Variants in PCDHGA2 observed in about 807,000 individuals in gnomAD.
PCDHGA2 encodes protocadherin gamma-A2.
In PCDHGA2, 40 loss-of-function variants were observed where a neutral mutation model predicts 59.2. The ratio of observed to expected loss-of-function variants is 0.68; its 90% CI spans 0.52 to 0.88. PCDHGA2 has a LOEUF of 0.88. Among genes scored for constraint, PCDHGA2 ranks in the 40% least tolerant of loss-of-function variants. The pLI is 0.00. For missense variants in PCDHGA2, 1,226 were observed against 1,204.0 expected (o/e 1.02, Z -0.27); for synonymous variants, 560 against 526.0 (o/e 1.06, Z -0.89).
intron 1 of PCDHGA2, chr5:141,387,841 C>T: frequency 2.5e-6 from 4 of 1,597,678 alleles, no homozygotes; most frequent in Non-Finnish European, 3.4e-6. Flanking sequence ...TATTTGTAAC[C>T]CGGCGTCTCC....
In PCDHGA2 at chr5:141,491,856, C is replaced by A. The variant is rs754113958; in HGVS notation, c.2425-2951C>A. On this transcript the variant is annotated intron_variant, in intron 1 of 3. Coordinates refer to ENST00000394576, the MANE Select transcript of PCDHGA2 (RefSeq NM_018915.4). This position sits in a 1 kb window ranked among gnomAD's most constrained non-coding sequence, Gnocchi z 6.9. ...TCTCGGGATCATTGGACCGTTTGCG[C>A]GAAACCAGAGTGGCCGATTAAGGGA... 6.9e-7 allele frequency: 1 copy of A among 1,458,728 alleles called. No individual in the cohort carries two copies. The highest frequency in any genetic ancestry group is 9.1e-7 in the Non-Finnish European group (1 of 1,103,072). The allele number at this position is 1,458,728 out of a possible 1,614,324, so 90.4% of individuals were successfully genotyped here. A position where few individuals can be genotyped will look rare whatever the true frequency, so the allele number is the denominator to read the frequency against.
chr5:141,410,185 T>A lies in PCDHGA2; in HGVS notation c.2424+68790T>A, dbSNP rs373680185. 10 of 1,613,812 alleles carry A rather than the reference T, an allele frequency of 6.2e-6. No individual in the cohort carries two copies. The African/African-American group carries it at 1.3e-4, about 22-fold the overall frequency. On this transcript the variant is annotated intron_variant, in intron 1 of 3. Transcript: ENST00000394576. ...CACTCTCTGCCACCGCCACGCTTCA[T>A]CTGGTCTTCGCAGACAACTTGCAAG...
In PCDHGA2 at chr5:141,371,356, C is replaced by T. The variant is rs748519288; in HGVS notation, c.2424+29961C>T. 2.4e-5 allele frequency: 38 copies of T among 1,613,940 alleles called. No homozygotes were observed. The East Asian group carries it at 7.8e-4, about 33-fold the overall frequency. ...GATAGCTACACAATTGGGGTGGAAG[C>T]AAAGGATGGTGGACATCACACTGCA... is the stretch of plus-strand genomic sequence containing the variant. On this transcript the variant is annotated intron_variant, in intron 1 of 3. Transcript: ENST00000394576.
chr5:141,390,518 T>G (rs1045172175), intron 1 of PCDHGA2: 1 of 570,806 alleles, frequency 1.8e-6, no homozygotes, highest in Non-Finnish European at 3.0e-6. Flanking sequence ...TATAAAGCAA[T>G]GAGGGTGTGG....
At chr5:141,441,820 G>A in intron 1 of PCDHGA2, 1 of 359,390 alleles carries the variant, frequency 2.8e-6, no homozygotes, top group Non-Finnish European at 5.5e-6. Flanking sequence ...CCCAGCTCTG[G>A]AGCGCAATGG....
At position 141,447,650 on chromosome 5, in the gene PCDHGA2, T is replaced by C. The variant is rs555134653; in HGVS notation, c.2425-47157T>C. Reference sequence around the variant, plus strand: ...AACAGTATGAATGATGGTAGAATTTTCCCCCCCAGGAAGTTAGAACTGTTC... The same window carrying C: ...AACAGTATGAATGATGGTAGAATTTCCCCCCCCAGGAAGTTAGAACTGTTC... On this transcript the variant is annotated intron_variant, in intron 1 of 3. Transcript: ENST00000394576. Among the ~76,000 whole-genome samples, 24 of 152,106 alleles carry C rather than the reference T, an allele frequency of 1.6e-4. No homozygotes were observed. The South Asian group carries it at 2.3e-3, about 15-fold the overall frequency.
At chr5:141,412,139 T>C (rs1380576842) in intron 1 of PCDHGA2, 1 of 152,250 alleles carries the variant, frequency 6.6e-6, no homozygotes, top group Non-Finnish European at 1.5e-5. Flanking sequence ...TGGCCTCTGA[T>C]ACAAACTGCC....
chr5:141,341,065 C>T lies in PCDHGA2; in HGVS notation c.2094C>T (p.Ala698=), dbSNP rs758489018. 3 of 1,614,074 alleles carry T rather than the reference C, an allele frequency of 1.9e-6. No homozygotes were observed. In the African/African-American group the frequency reaches 4.0e-5, roughly 22 times the overall value. The change falls in exon 1 of 4, where the codon GCC becomes GCT. Residue 698 remains alanine, a synonymous_variant. Transcript: ENST00000394576. ...DLTLYLVVAV[A]AVSCVFLAFV... Reference sequence around the variant, plus strand: ...CTCTGTACCTGGTGGTGGCGGTGGCCGCGGTCTCCTGCGTCTTCCTGGCCT... The same window carrying T: ...CTCTGTACCTGGTGGTGGCGGTGGCTGCGGTCTCCTGCGTCTTCCTGGCCT...
chr5:141,506,447 A>G (rs1405495926), intron 3 of PCDHGA2, among the ~76,000 whole-genome samples: 3 of 146,906 alleles, frequency 2.0e-5, no homozygotes, highest in Non-Finnish European at 3.0e-5. Flanking sequence ...TCTGTCTCAA[A>G]AAAAAAAAAA....
At chr5:141,353,603 C>G (rs953470140) in intron 1 of PCDHGA2, among the ~76,000 whole-genome samples, 1 of 152,120 alleles carries the variant, frequency 6.6e-6, no homozygotes, top group East Asian at 1.9e-4. Context: ...TTTTCTTAAC[C>G]ATTCCTAAAT....
intron 1 of PCDHGA2, chr5:141,361,230 G>T: frequency 6.2e-7 from 1 of 1,613,982 alleles, no homozygotes; most frequent in Non-Finnish European, 8.5e-7. Flanking sequence ...CAGGAACAGT[G>T]ATCGCCTTGA....
chr5:141,404,790 A>T, intron 1 of PCDHGA2: 1 of 1,611,288 alleles, frequency 6.2e-7, no homozygotes, highest in East Asian at 2.2e-5. Context: ...AAGGCCAGTG[A>T]GCCAGGGCTC....
intron 1 of PCDHGA2, chr5:141,374,302 GC>G: frequency 6.2e-7 from 1 of 1,613,984 alleles, no homozygotes; most frequent in Non-Finnish European, 8.5e-7. Flanking sequence ...GTAGGATGCA[GC>G]TTTTCTCTCT....
intron 1 of PCDHGA2, chr5:141,419,384 G>T (rs1383174444): frequency 1.2e-6 from 2 of 1,613,554 alleles, no homozygotes; most frequent in East Asian, 2.2e-5. Flanking sequence ...GTCCGTGAGC[G>T]CGCAGAGCGG....
chr5:141,356,962 G>A, intron 1 of PCDHGA2: 1 of 1,614,224 alleles, frequency 6.2e-7, no homozygotes, highest in Non-Finnish European at 8.5e-7. Context: ...CGGCTACCTG[G>A]TGACCAAAGT....
At chr5:141,498,520 A>T (rs1178141390) in intron 2 of PCDHGA2, among the ~76,000 whole-genome samples, 1 of 149,264 alleles carries the variant, frequency 6.7e-6, no homozygotes, top group Non-Finnish European at 1.5e-5. Flanking sequence ...CATCTTGCCC[A>T]CTGCCCTCCA....
chr5:141,391,354 T>C (rs1345659874), intron 1 of PCDHGA2: 3 of 150,784 alleles, frequency 2.0e-5, no homozygotes, highest in Non-Finnish European at 3.0e-5. Flanking sequence ...TGTCTGTTAC[T>C]CAGGCTGTAG....
At chr5:141,496,289 G>A (rs1347634489) in intron 2 of PCDHGA2, among the ~76,000 whole-genome samples, 3 of 152,224 alleles carry the variant, frequency 2.0e-5, no homozygotes, top group Non-Finnish European at 4.4e-5. Flanking sequence ...GGTCTGAGCA[G>A]AGTGGGATAG....
At chr5:141,342,402 A>G (rs945913901) in intron 1 of PCDHGA2, 12 of 152,178 alleles carry the variant, frequency 7.9e-5, no homozygotes, top group African/African-American at 2.9e-4. Context: ...AATAACAGAG[A>G]ATAATAAGCA....
Sources: allele counts gnomAD v4.1 joint callset (sites outside exome capture counted in the v4.1 genomes callset), GRCh38; gene constraint gnomAD v4.1.1; non-coding constraint Gnocchi (gnomAD v3.1); transcripts MANE v1.5; gene names NCBI Gene and HGNC (gene_info 2026-07-23, HGNC 2026-07-21).